The following CCNY variants were observed in gnomAD, a reference collection of about 807,000 sequenced individuals.
CCNY encodes the protein cyclin-Y.
A neutral mutation model predicts 42.8 loss-of-function variants in CCNY; 19 were observed. The ratio of observed to expected loss-of-function variants is 0.44; its 90% CI spans 0.31 to 0.65. CCNY has a LOEUF of 0.65. Ranked by LOEUF, CCNY falls within the 30% of genes least tolerant of loss-of-function variation. CCNY has a pLI of 0.07. For synonymous variants in CCNY, 165 were observed against 162.7 expected (o/e 1.01, Z -0.11); for missense variants, 370 against 437.3 (o/e 0.85, Z 1.37).
chr10:35,292,769 T>C (rs1434814327), intron 3 of CCNY, among the ~76,000 whole-genome samples: 1 of 150,492 alleles, frequency 6.6e-6, no homozygotes, highest in Non-Finnish European at 1.5e-5. Flanking sequence ...CCTGTAAGAG[T>C]GCTTTGTTTT....
At chr10:35,376,400 ACAACT>A (rs1431209657) in intron 1 of CCNY, among the ~76,000 whole-genome samples, 1 of 152,254 alleles carries the variant, frequency 6.6e-6, no homozygotes, top group African/African-American at 2.4e-5. Flanking sequence ...AAAGGTGAAG[ACAACT>A]CAAATGTCCA....
At chr10:35,516,724 C>T (rs1253878444) in intron 4 of CCNY, 101 bp downstream of exon 4, 2 of 695,392 alleles carry the variant, frequency 2.9e-6, no homozygotes, top group Non-Finnish European at 4.5e-6. Context: ...CTTAACCTGA[C>T]AGCTAAGCTG....
chr10:35,540,805 G>A lies in CCNY; in HGVS notation c.579+10562G>A, dbSNP rs539969692. Among the ~76,000 whole-genome samples the A allele has an allele frequency of 2.6e-5, 4 of 152,208 alleles. No individual in the cohort carries two copies. In the East Asian group the frequency reaches 7.7e-4, roughly 29 times the overall value. ...TCAGCATTACCCAATTTGTTGTCAT[G>A]CAGTTGTTCCACAGTATTCCTTTAT... On this transcript the variant is annotated intron_variant, in intron 7 of 9. Transcript: ENST00000374704.
At chr10:35,285,377 C>T (rs1470887021) in intron 3 of CCNY, among the ~76,000 whole-genome samples, 1 of 152,030 alleles carries the variant, frequency 6.6e-6, no homozygotes, top group Non-Finnish European at 1.5e-5. Flanking sequence ...CTGAGTTTCT[C>T]GTAGACAGCA....
At chr10:35,480,967 A>G (rs777109322) in intron 1 of CCNY, among the ~76,000 whole-genome samples, 42 of 152,318 alleles carry the variant, frequency 2.8e-4, no homozygotes, top group Middle Eastern at 3.4e-3. Flanking sequence ...CCCCATCTCA[A>G]AAACAAAAAA....
chr10:35,548,265 TACATAA>T (rs1841159336), intron 7 of CCNY, among the ~76,000 whole-genome samples: 1 of 147,998 alleles, frequency 6.8e-6, no homozygotes, highest in South Asian at 2.1e-4. Flanking sequence ...AATATATATA[TACATAA>T]ATATAAATAT....
chr10:35,310,878 C>G (rs1029760481), intron 3 of CCNY, among the ~76,000 whole-genome samples: 4 of 152,184 alleles, frequency 2.6e-5, no homozygotes, highest in Non-Finnish European at 5.9e-5. Context: ...TCGTGGCTCA[C>G]GCCTGTAATC....
At chr10:35,426,096 A>G (rs1838259366) in intron 1 of CCNY, among the ~76,000 whole-genome samples, 2 of 134,768 alleles carry the variant, frequency 1.5e-5, no homozygotes, top group Admixed American at 1.6e-4. Flanking sequence ...TTCTCCCTTC[A>G]CTGGTCCAGC....
At chr10:35,361,435 T>C (rs1836684188) in intron 1 of CCNY, among the ~76,000 whole-genome samples, 1 of 152,238 alleles carries the variant, frequency 6.6e-6, no homozygotes, top group Non-Finnish European at 1.5e-5. Flanking sequence ...AATTGAGTGC[T>C]TAGATTTAGA....
At chr10:35,494,241 C>CT (rs1554794875) in intron 2 of CCNY, among the ~76,000 whole-genome samples, 3,148 of 145,944 alleles carry the variant, frequency 0.022, 167 homozygotes, top group African/African-American at 0.074. Flanking sequence ...GAGACCCCCC[C>CT]CCCCATTTCT....
At chr10:35,385,747 C>T (rs140544179) in intron 1 of CCNY, among the ~76,000 whole-genome samples, 2 of 152,258 alleles carry the variant, frequency 1.3e-5, no homozygotes, top group Non-Finnish European at 2.9e-5. Context: ...TCATCAGAAC[C>T]GTCCAGTCTT....
intron 1 of CCNY, among the ~76,000 whole-genome samples, chr10:35,477,483 A>G (rs1839542550): frequency 6.6e-6 from 1 of 151,650 alleles, no homozygotes; most frequent in Admixed American, 6.6e-5. Flanking sequence ...CTGGTTCAAT[A>G]TACGCAAATC....
At chr10:35,485,173 C>T (rs577809441) in intron 2 of CCNY, among the ~76,000 whole-genome samples, 10 of 152,348 alleles carry the variant, frequency 6.6e-5, no homozygotes, top group African/African-American at 2.4e-4. Context: ...TATGCCATTT[C>T]TACCTCTCTC....
chr10:35,250,277 A>C (rs2095710981), intron 2 of CCNY, among the ~76,000 whole-genome samples: 1 of 151,934 alleles, frequency 6.6e-6, no homozygotes, highest in Admixed American at 6.6e-5. Flanking sequence ...AGGCAGGAGA[A>C]TCACTTGAAC....
At chr10:35,426,151 A>ACC in intron 1 of CCNY, among the ~76,000 whole-genome samples, 1 of 149,916 alleles carries the variant, frequency 6.7e-6, no homozygotes, top group South Asian at 2.1e-4. Flanking sequence ...ACACACACAC[A>ACC]CACACACAGA....
intron 1 of CCNY, among the ~76,000 whole-genome samples, chr10:35,383,312 C>CA (rs1564390775): frequency 2.1e-5 from 3 of 143,620 alleles, no homozygotes; most frequent in Non-Finnish European, 3.1e-5. Context: ...ATTTTCTTTT[C>CA]TTTTTTTTTT....
chr10:35,456,435 G>A (rs751282592), intron 1 of CCNY, among the ~76,000 whole-genome samples: 24 of 152,188 alleles, frequency 1.6e-4, no homozygotes, highest in Non-Finnish European at 2.9e-4. Flanking sequence ...TTTTAATTCA[G>A]GTTTTATTAA....
chr10:35,517,388 G>A (rs1006657079), intron 4 of CCNY, among the ~76,000 whole-genome samples: 2 of 152,168 alleles, frequency 1.3e-5, no homozygotes, highest in African/African-American at 2.4e-5. Context: ...CAGCAGCTCA[G>A]TTTTAAAAAA....
chr10:35,511,711 A>T (rs953833228), intron 3 of CCNY, among the ~76,000 whole-genome samples: 11 of 152,244 alleles, frequency 7.2e-5, no homozygotes, highest in African/African-American at 2.7e-4. Context: ...GTGAGCTCTA[A>T]GTGAATACAC....
Sources: allele counts gnomAD v4.1 joint callset (sites outside exome capture counted in the v4.1 genomes callset), GRCh38; gene constraint gnomAD v4.1.1; transcripts MANE v1.5; gene names NCBI Gene and HGNC (gene_info 2026-07-23, HGNC 2026-07-21).